Variants in MCC observed in about 807,000 individuals in gnomAD.
MCC encodes the protein colorectal mutant cancer protein.
A neutral mutation model predicts 116.2 loss-of-function variants in MCC; 90 were observed. That is an observed-to-expected ratio of 0.77 (90% CI 0.65 to 0.92). The LOEUF (loss-of-function observed/expected upper bound fraction) is 0.92. Ranked by LOEUF, MCC falls within the 40% of genes least tolerant of loss-of-function variation. The pLI is 0.00. For missense variants in MCC, 1,516 were observed against 1,312.2 expected, an observed-to-expected ratio of 1.16 and a Z score of -2.40; for synonymous variants, 578 against 510.5, an observed-to-expected ratio of 1.13 and a Z score of -1.78.
chr5:113,051,201 C>T (rs756598177), intron 15 of MCC, among the ~76,000 whole-genome samples: 2 of 152,004 alleles, frequency 1.3e-5, no homozygotes, highest in Non-Finnish European at 2.9e-5. Context: ...CCTCAGGGCC[C>T]CACGGAAGAC....
chr5:113,028,247 A>G (rs903367805), intron 18 of MCC, among the ~76,000 whole-genome samples: 1 of 152,212 alleles, frequency 6.6e-6, no homozygotes, highest in African/African-American at 2.4e-5. Context: ...ACATCCACAT[A>G]ATGTTGACTA....
intron 2 of MCC, among the ~76,000 whole-genome samples, chr5:113,363,996 G>A (rs935119918): frequency 2.0e-5 from 3 of 152,142 alleles, no homozygotes; most frequent in Non-Finnish European, 1.5e-5. Context: ...CACTTTGGGA[G>A]ACCAAGGCAG....
At chr5:113,192,003 A>G (rs1762172643) in intron 3 of MCC, among the ~76,000 whole-genome samples, 1 of 152,156 alleles carries the variant, frequency 6.6e-6, no homozygotes, top group South Asian at 2.1e-4. Context: ...TTTCTTTATG[A>G]CGTATGCAAG....
At chr5:113,049,422 C>A in intron 15 of MCC, 123 bp from the exon 16 acceptor site, 1 of 757,036 alleles carries the variant, frequency 1.3e-6, no homozygotes, top group Non-Finnish European at 2.1e-6. Context: ...AGAGTTCTCA[C>A]TTTGAAGTTG....
At chr5:113,265,314 C>G (rs1177430870) in intron 3 of MCC, among the ~76,000 whole-genome samples, 1 of 152,048 alleles carries the variant, frequency 6.6e-6, no homozygotes, top group Non-Finnish European at 1.5e-5. Flanking sequence ...TTGTTTTATC[C>G]CAACCCAACC....
chr5:113,030,288 G>C (rs1412180970), intron 17 of MCC, among the ~76,000 whole-genome samples: 1 of 152,108 alleles, frequency 6.6e-6, no homozygotes, highest in East Asian at 1.9e-4. Context: ...TTAGGCATTG[G>C]TTACAATAAT....
intron 5 of MCC, among the ~76,000 whole-genome samples, chr5:113,141,620 C>G (rs1354262693): frequency 2.6e-5 from 4 of 152,134 alleles, no homozygotes; most frequent in Non-Finnish European, 5.9e-5. Context: ...TCCAGCCTTG[C>G]AGGGAATCCC....
At chr5:113,135,312 T>C (rs1301518845) in intron 5 of MCC, among the ~76,000 whole-genome samples, 1 of 146,780 alleles carries the variant, frequency 6.8e-6, no homozygotes, top group African/African-American at 2.5e-5. Flanking sequence ...CCCAGCACTT[T>C]GGGAGGCCGA....
intron 3 of MCC, among the ~76,000 whole-genome samples, chr5:113,279,758 T>G (rs1765964838): frequency 6.6e-6 from 1 of 152,216 alleles, no homozygotes; most frequent in Non-Finnish European, 1.5e-5. Context: ...ACAATATACA[T>G]TTAACAATAC....
rs541860086 is a variant in MCC at position 113,408,968 on chromosome 5, T to G, written c.171-23756A>C. Among the ~76,000 whole-genome samples, 3 of 152,308 alleles carry G rather than the reference T, an allele frequency of 2.0e-5. No individual in the cohort carries two copies. The East Asian group carries it at 5.8e-4, about 29-fold the overall frequency. ...AGTTTTCACAGCTTAAACAAAAGTT[T>G]GAAACTCACTGTTTAGAGATTTTAA... On this transcript the variant is annotated intron_variant, in intron 1 of 18. Transcript: ENST00000408903.
At chr5:113,090,168 G>A (rs2150247450) in intron 8 of MCC, among the ~76,000 whole-genome samples, 1 of 152,224 alleles carries the variant, frequency 6.6e-6, no homozygotes, top group Middle Eastern at 3.4e-3. Context: ...TGGAGGACAG[G>A]GAGATGGGGA....
chr5:113,385,640 A>G (rs1769236395), intron 1 of MCC, among the ~76,000 whole-genome samples: 1 of 152,226 alleles, frequency 6.6e-6, no homozygotes, highest in Non-Finnish European at 1.5e-5. Context: ...AAAAGAACCA[A>G]CAGAGATTTT....
intron 1 of MCC, among the ~76,000 whole-genome samples, chr5:113,398,404 C>T (rs1561551601): frequency 6.6e-6 from 1 of 152,154 alleles, no homozygotes; most frequent in Non-Finnish European, 1.5e-5. Context: ...CAGCACTATT[C>T]ACAATAGCAA....
Position 113,023,601 on chromosome 5 carries a change from C to G in MCC, c.*3701G>C, listed in dbSNP as rs559508614. ...TATTTTGGCTCTCAAAATACTCTAA[C>G]TAGTAGCTCTGTTTGCTGAATCTAG... On this transcript the variant is annotated 3_prime_UTR_variant, in exon 19 of 19. Transcript: ENST00000408903. The G allele has an allele frequency of 2.0e-5, 3 of 152,294 alleles. No individual in the cohort carries two copies. Among genetic ancestry groups the G allele is most frequent in the South Asian group, 4.1e-4 (2 of 4,828 alleles). The allele number at this position is 152,294 out of a possible 1,614,324, so 9.4% of individuals were successfully genotyped here.
At chr5:113,427,916 G>GA (rs1053658094) in intron 1 of MCC, among the ~76,000 whole-genome samples, 6 of 151,742 alleles carry the variant, frequency 4.0e-5, no homozygotes, top group South Asian at 2.1e-4. Flanking sequence ...GCAATCTCAG[G>GA]AAAAAAAATC....
chr5:113,140,723 T>A lies in MCC; in HGVS notation c.884+2495A>T, dbSNP rs559126148. On this transcript the variant is annotated intron_variant, in intron 5 of 18. Transcript: ENST00000408903. ...AATGATTTTTAGCTTCTCCAATAAA[T>A]TCTTAACTGAGGCCAGATTTAAGTG... 4.4e-4 allele frequency among the ~76,000 whole-genome samples: 67 copies of A among 152,310 alleles called. No individual in the cohort carries two copies. The South Asian group carries it at 0.012, about 28-fold the overall frequency.
intron 3 of MCC, among the ~76,000 whole-genome samples, chr5:113,160,119 C>A (rs983604212): frequency 2.9e-4 from 44 of 152,188 alleles, no homozygotes; most frequent in Admixed American, 1.8e-3. Context: ...TTAACCCTAC[C>A]CAAGGATGGC....
chr5:113,124,308 C>T (rs1293225922), intron 5 of MCC, among the ~76,000 whole-genome samples: 1 of 152,182 alleles, frequency 6.6e-6, no homozygotes, highest in African/African-American at 2.4e-5. Context: ...TTTTGGTCTA[C>T]AGGATGATTG....
At chr5:113,230,966 C>T (rs1404891580) in intron 3 of MCC, among the ~76,000 whole-genome samples, 3 of 152,052 alleles carry the variant, frequency 2.0e-5, no homozygotes, top group South Asian at 2.1e-4. Context: ...GAGATGAGCC[C>T]GACAAACACT....
Sources: gnomAD v4.1 joint callset for allele counts (sites outside exome capture counted in the v4.1 genomes callset) on GRCh38, gnomAD v4.1.1 for gene constraint, MANE v1.5 for transcripts, NCBI Gene and HGNC (gene_info 2026-07-23, HGNC 2026-07-21) for gene names.